PARP12: variants seen among roughly 807,000 people sequenced by gnomAD.
PARP12 encodes the protein poly(ADP-ribose) polymerase family member 12, also known as protein mono-ADP-ribosyltransferase PARP12.
In PARP12, 59 loss-of-function variants were observed where a neutral mutation model predicts 72.4. The ratio of observed to expected loss-of-function variants is 0.81; its 90% confidence interval spans 0.66 to 1.01. The LOEUF is 1.01. Among genes scored for constraint, PARP12 ranks in the 50% least tolerant of loss-of-function variants. The pLI is 0.00. For synonymous variants in PARP12, 403 were observed against 371.4 expected, an observed-to-expected ratio of 1.09 and a Z score of -0.98; for missense variants, 851 against 914.0, an observed-to-expected ratio of 0.93 and a Z score of 0.89.
At chr7:140,035,903 G>A (rs538104798) in intron 7 of PARP12, among the ~76,000 whole-genome samples, 5 of 138,566 alleles carry the variant, frequency 3.6e-5, no homozygotes, top group South Asian at 4.9e-4. Flanking sequence ...GGAGGAGGAC[G>A]AGGAGGAGGA....
rs567535783 is a variant in PARP12 at position 140,056,901 on chromosome 7, C to A, written c.715G>T (p.Ala239Ser). 2 of 1,612,942 alleles carry A rather than the reference C, an allele frequency of 1.2e-6. No individual in the cohort carries two copies. Among genetic ancestry groups the A allele is most frequent in the Admixed American group, 1.7e-5 (1 of 59,948 alleles). Reference protein sequence around the residue: ...NAHDIKNKSSAPSRVPPLFVP... With the variant: ...NAHDIKNKSSSPSRVPPLFVP... ...AAAAGAGGAGGCACTCTGCTGGGGG[C>A]AGAGCTCTTATTCTTGATGTCATGT... The change falls in exon 3 of 12, where the codon GCC becomes TCC. Residue 239 changes from alanine to serine, a missense_variant. Transcript: ENST00000263549.
chr7:140,025,433 A>C (rs112685063), intron 11 of PARP12: 1 of 346,806 alleles, frequency 2.9e-6, no homozygotes. Context: ...CCTCAGACGG[A>C]AACTGACTAA....
At chr7:140,036,005 GAGGAGA>G (rs1302608034) in intron 7 of PARP12, among the ~76,000 whole-genome samples, 2 of 46,372 alleles carry the variant, frequency 4.3e-5, no homozygotes, top group Non-Finnish European at 7.3e-5. Flanking sequence ...GGAGGAGAAG[GAGGAGA>G]AGGAGGAGAA....
Position 140,028,486 on chromosome 7 carries a change from G to GC in PARP12, c.1497+126dup, listed in dbSNP as rs1399134230. 5 of 761,830 alleles carry GC rather than the reference G, an allele frequency of 6.6e-6. No individual in the cohort carries two copies. The African/African-American group carries it at 9.3e-5, about 14-fold the overall frequency. The allele number at this position is 761,830 out of a possible 1,614,324, so 47.2% of individuals were successfully genotyped here. A position where few individuals can be genotyped will look rare whatever the true frequency, so the allele number is the denominator to read the frequency against. On this transcript the variant is annotated intron_variant, in intron 9 of 11. Coordinates refer to ENST00000263549, the MANE Select transcript of PARP12 (RefSeq NM_022750.4). ...AAAAATAAAGCCCACATCTGTCACT[G>GC]CCCTCCTGCCCCAATTAGCCCCAGC...
At chr7:140,052,340 AT>A (rs1165394665) in intron 4 of PARP12, among the ~76,000 whole-genome samples, 1 of 152,186 alleles carries the variant, frequency 6.6e-6, no homozygotes, top group Non-Finnish European at 1.5e-5. Flanking sequence ...AACAAACAAC[AT>A]TAATTTTTTT....
intron 1 of PARP12, 50 bp from the exon 2 acceptor site, chr7:140,058,084 A>T (rs1353611548): frequency 6.2e-7 from 1 of 1,605,856 alleles, no homozygotes; most frequent in Admixed American, 1.7e-5. Flanking sequence ...TCTCCTCAAA[A>T]TTTCTATGTT....
At chr7:140,058,064 T>G (rs368280993) in intron 1 of PARP12, 30 bp from the exon 2 acceptor site, 8 of 1,612,698 alleles carry the variant, frequency 5.0e-6, no homozygotes, top group Non-Finnish European at 6.8e-6. Context: ...GTGTTATATG[T>G]CGAATTGAGT....
chr7:140,046,128 T>C, intron 5 of PARP12, among the ~76,000 whole-genome samples: 1 of 152,250 alleles, frequency 6.6e-6, no homozygotes, highest in East Asian at 1.9e-4. Flanking sequence ...TCGCTGTGTG[T>C]AAATTTTGCC....
chr7:140,037,880 TA>T, intron 6 of PARP12, 24 bp from the exon 7 acceptor site: 2 of 1,596,034 alleles, frequency 1.3e-6, no homozygotes. Context: ...CCAGACACTT[TA>T]TGAAGGCAAG....
chr7:140,041,846 A>T lies in PARP12; in HGVS notation c.987-7T>A, dbSNP rs1418685671. 1 of 1,605,360 alleles carries T rather than the reference A, an allele frequency of 6.2e-7. No homozygotes were observed. The highest frequency in any genetic ancestry group is 1.7e-4 in the Middle Eastern group (1 of 6,026). On this transcript the variant is annotated splice_polypyrimidine_tract_variant and splice_region_variant and intron_variant, in intron 5 of 11. Coordinates refer to ENST00000263549, the MANE Select transcript of PARP12 (RefSeq NM_022750.4). ...TGACTCAGAGCACAGGATCCTACAG[A>T]AGAAAAACAGCAGCAGACTGAAAAT...
intron 7 of PARP12, among the ~76,000 whole-genome samples, chr7:140,035,914 C>A (rs943497598): frequency 0.04 from 1,242 of 30,926 alleles, 104 homozygotes; most frequent in Middle Eastern, 0.14. Flanking sequence ...AGGAGGAGGA[C>A]AAGGAGGAGG....
At chr7:140,038,965 A>G (rs1816336011) in intron 6 of PARP12, among the ~76,000 whole-genome samples, 1 of 152,188 alleles carries the variant, frequency 6.6e-6, no homozygotes, top group African/African-American at 2.4e-5. Flanking sequence ...ACTAAGAATG[A>G]CCAAGGAAGG....
chr7:140,046,813 T>C, intron 5 of PARP12, 71 bp downstream of exon 5: 1 of 1,431,242 alleles, frequency 7.0e-7, no homozygotes. Context: ...TGTGTGTGTG[T>C]GTGTGTGTGT....
intron 3 of PARP12, among the ~76,000 whole-genome samples, chr7:140,055,734 A>G (rs1817152624): frequency 6.6e-6 from 1 of 152,242 alleles, no homozygotes; most frequent in South Asian, 2.1e-4. Context: ...CTAAAGATCT[A>G]TTTAATACAA....
chr7:140,038,206 T>A, intron 6 of PARP12: 1 of 985,460 alleles, frequency 1.0e-6, no homozygotes, highest in Non-Finnish European at 1.2e-6. Flanking sequence ...GGAGTGCTGC[T>A]TGACTGGGCA....
Position 140,057,136 on chromosome 7 carries a change from G to A in PARP12, c.480C>T (p.Asn160=), listed in dbSNP as rs1817219715. ...WLLPEICQHY[N]KGDGPHGSCA... ...AAGAGCCGTGGGGTCCATCTCCTTT[G>A]TTGTAATGTTGGCAAATCTGTTGAC... Residue 160 remains asparagine (N), a synonymous_variant, in exon 3 of 12, where the codon AAC becomes AAT. Coordinates refer to ENST00000263549, the MANE Select transcript of PARP12 (RefSeq NM_022750.4). 3.7e-6 allele frequency: 6 copies of A among 1,612,474 alleles called. No individual in the cohort carries two copies.
At chr7:140,026,454 GGGACCAAGAGACGCA>G in intron 10 of PARP12, 106 bp from the exon 11 acceptor site, 1 of 1,467,912 alleles carries the variant, frequency 6.8e-7, no homozygotes, top group South Asian at 1.3e-5. Context: ...AAAGTGTCCT[GGGACCAAGAGACGCA>G]GGTCACAGGC....
intron 7 of PARP12, 58 bp downstream of exon 7, chr7:140,037,657 T>A: frequency 6.3e-7 from 1 of 1,598,750 alleles, no homozygotes; most frequent in Non-Finnish European, 8.6e-7. Flanking sequence ...AGGGTTAAGG[T>A]GTAGGGACAG....
At chr7:140,027,466 C>G in intron 9 of PARP12, 60 bp from the exon 10 acceptor site, 1 of 1,583,714 alleles carries the variant, frequency 6.3e-7, no homozygotes, top group Non-Finnish European at 8.6e-7. Context: ...AAATCAGTCC[C>G]TTCCCAAAGC....
Sources: gnomAD v4.1 joint callset for allele counts (sites outside exome capture counted in the v4.1 genomes callset) on GRCh38, gnomAD v4.1.1 for gene constraint, MANE v1.5 for transcripts, NCBI Gene and HGNC (gene_info 2026-07-23, HGNC 2026-07-21) for gene names.